The following SECISBP2 variants were observed in gnomAD, a reference collection of about 807,000 sequenced individuals.
SECISBP2 encodes the protein SECIS binding protein 2.
A neutral mutation model predicts 98.2 loss-of-function variants in SECISBP2; 96 were observed. The ratio of observed to expected loss-of-function variants is 0.98; its 90% CI spans 0.83 to 1.16. SECISBP2 has a LOEUF of 1.16. Ranked by LOEUF, SECISBP2 falls within the 50% of genes most tolerant of loss-of-function variation. The pLI, the probability that SECISBP2 is intolerant of heterozygous loss-of-function variation, is 0.00. For missense variants in SECISBP2, 1,046 were observed against 1,022.9 expected (o/e 1.02, Z -0.31); for synonymous variants, 407 against 370.2 (o/e 1.10, Z -1.14).
intron 7 of SECISBP2, among the ~76,000 whole-genome samples, chr9:89,335,577 C>T (rs1464143342): frequency 6.6e-6 from 1 of 152,148 alleles, no homozygotes; most frequent in Non-Finnish European, 1.5e-5. Flanking sequence ...GTGACCCATC[C>T]ACCTCGGCCT....
chr9:89,355,399 GT>G (rs755573020), intron 14 of SECISBP2: 63 of 985,160 alleles, frequency 6.4e-5, no homozygotes, highest in Non-Finnish European at 7.5e-5. Context: ...CTCTCCAGGA[GT>G]TTTTATTAGC....
downstream of SECISBP2, chr9:89,362,238 C>T (rs974488954): frequency 2.0e-5 from 24 of 1,220,610 alleles, no homozygotes; most frequent in East Asian, 3.3e-4. Context: ...TCCACTGTCC[C>T]GCCTCTGCCC....
intron 5 of SECISBP2, among the ~76,000 whole-genome samples, chr9:89,331,912 A>G (rs1410991719): frequency 6.6e-6 from 1 of 152,216 alleles, no homozygotes; most frequent in African/African-American, 2.4e-5. Flanking sequence ...TGTTTATATC[A>G]TAGGCAAAGA....
intron 12 of SECISBP2, 90 bp downstream of exon 12, chr9:89,348,304 G>T: frequency 6.9e-7 from 1 of 1,447,550 alleles, no homozygotes. Flanking sequence ...TCCAGGACTT[G>T]GCTGACTCCT....
the SECISBP2 span, chr9:89,364,666 C>G: frequency 6.4e-6 from 1 of 155,088 alleles, no homozygotes; most frequent in Non-Finnish European, 1.4e-5. Flanking sequence ...ATCTTAATTA[C>G]TTATTGAAGA....
At position 89,348,078 on chromosome 9, in the gene SECISBP2, G is replaced by A. The variant is rs1830700545; in HGVS notation, c.1603-1G>A. The A allele has an allele frequency of 1.2e-6, 2 of 1,611,870 alleles. No homozygotes were observed. The highest frequency in any genetic ancestry group is 1.7e-6 in the Non-Finnish European group (2 of 1,178,198). On this transcript the variant is annotated splice_acceptor_variant, in intron 11 of 16. Coordinates refer to ENST00000375807, the MANE Select transcript of SECISBP2 (RefSeq NM_024077.5). LOFTEE classifies it high-confidence loss of function. ...TTTTAATTGTTTATTTAATTTTTAA[G>A]ATTATTTTGAAAGAACGGCAAGAGA...
chr9:89,363,466 C>T (rs778039454), downstream of SECISBP2: 13 of 1,614,028 alleles, frequency 8.1e-6, 1 homozygote, highest in South Asian at 1.4e-4. Flanking sequence ...TCCGGTCGTG[C>T]TCCCCAGCCA....
chr9:89,324,414 A>G (rs1234127383), intron 2 of SECISBP2: 4 of 152,278 alleles, frequency 2.6e-5, no homozygotes, highest in East Asian at 3.8e-4. Flanking sequence ...GAAATAGTAA[A>G]CAGTGAGATG....
chr9:89,326,321 A>C (rs1462377290), intron 4 of SECISBP2, among the ~76,000 whole-genome samples: 1 of 152,124 alleles, frequency 6.6e-6, no homozygotes. Context: ...CATTGACTTC[A>C]CTCATAAACC....
chr9:89,363,609 T>C, downstream of SECISBP2: 1 of 1,597,774 alleles, frequency 6.3e-7, no homozygotes, highest in Middle Eastern at 1.7e-4. Context: ...CCTTTCTCAA[T>C]GGAAAGCCAA....
downstream of SECISBP2, among the ~76,000 whole-genome samples, chr9:89,359,879 C>A (rs562907422): frequency 3.9e-5 from 6 of 152,184 alleles, no homozygotes; most frequent in East Asian, 9.7e-4. Flanking sequence ...CCTGCACTTG[C>A]GTTTTCACCA....
chr9:89,352,535 T>C (rs112693704), intron 14 of SECISBP2, among the ~76,000 whole-genome samples: 203 of 152,326 alleles, frequency 1.3e-3, no homozygotes, highest in African/African-American at 4.7e-3. Flanking sequence ...TCACTGGAAG[T>C]GCCTTGATCC....
At chr9:89,328,431 A>G (rs1827151010) in intron 4 of SECISBP2, among the ~76,000 whole-genome samples, 1 of 152,208 alleles carries the variant, frequency 6.6e-6, no homozygotes, top group African/African-American at 2.4e-5. Flanking sequence ...TGTACAGTGC[A>G]TTTTGGTTTT....
chr9:89,348,293 C>T, intron 12 of SECISBP2, 79 bp downstream of exon 12: 1 of 1,536,866 alleles, frequency 6.5e-7, no homozygotes, highest in Non-Finnish European at 9.0e-7. Context: ...TGAGCAAACT[C>T]TCCAGGACTT....
At chr9:89,328,451 T>C (rs1284186508) in intron 4 of SECISBP2, among the ~76,000 whole-genome samples, 1 of 152,240 alleles carries the variant, frequency 6.6e-6, no homozygotes, top group African/African-American at 2.4e-5. Context: ...TTCTGCATGA[T>C]GGTCCAACCA....
In SECISBP2 at chr9:89,325,419, T is replaced by A; in HGVS notation, c.183-8T>A. ...AATCTGCAACTAAAGTTTACACTTTTTACTTAGGCAGAAAATATATACTGA... is the reference window on the plus strand; with the variant it reads ...AATCTGCAACTAAAGTTTACACTTTATACTTAGGCAGAAAATATATACTGA... On this transcript the variant is annotated splice_region_variant and splice_polypyrimidine_tract_variant and intron_variant, in intron 2 of 16. Transcript: ENST00000375807. The A allele has an allele frequency of 1.2e-6, 2 of 1,613,730 alleles. No homozygotes were observed. Among genetic ancestry groups the A allele is most frequent in the South Asian group, 2.2e-5 (2 of 91,076 alleles).
chr9:89,355,115 GCAGAATGAGTTCCCAGT>G (rs1831871003), intron 14 of SECISBP2: 1 of 985,470 alleles, frequency 1.0e-6, no homozygotes, highest in Non-Finnish European at 1.2e-6. Context: ...CCAACTAGAT[GCAGAATGAGTTCCCAGT>G]TTCCACAGTA....
chr9:89,342,595 G>A (rs1400079010), intron 10 of SECISBP2, among the ~76,000 whole-genome samples: 1 of 152,044 alleles, frequency 6.6e-6, no homozygotes, highest in South Asian at 2.1e-4. Flanking sequence ...CCTTAAAAAA[G>A]GAATGAATTC....
At chr9:89,347,591 G>A (rs1359956139) in intron 11 of SECISBP2, among the ~76,000 whole-genome samples, 1 of 149,412 alleles carries the variant, frequency 6.7e-6, no homozygotes, top group Non-Finnish European at 1.5e-5. Context: ...CAATTCTCCT[G>A]CCTCAGCCTC....
Sources: allele counts gnomAD v4.1 joint callset (sites outside exome capture counted in the v4.1 genomes callset), GRCh38; gene constraint gnomAD v4.1.1; transcripts MANE v1.5; gene names NCBI Gene and HGNC (gene_info 2026-07-23, HGNC 2026-07-21).